Variants in ZNRF3 observed in about 807,000 individuals in gnomAD.
ZNRF3 encodes E3 ubiquitin-protein ligase ZNRF3.
ZNRF3 carries 23 observed loss-of-function variants against 72.5 expected under a neutral mutation model. That is an observed-to-expected ratio of 0.32 (90% CI 0.23 to 0.45). ZNRF3 has a LOEUF of 0.45. Among genes scored for constraint, ZNRF3 ranks in the 20% least tolerant of loss-of-function variants. ZNRF3 has a pLI of 1.00. For synonymous variants in ZNRF3, 610 were observed against 545.3 expected (o/e 1.12, Z -1.65); for missense variants, 1,169 against 1,272.1 (o/e 0.92, Z 1.23).
chr22:29,045,550 A>G (rs1442684465), intron 5 of ZNRF3, among the ~76,000 whole-genome samples: 1 of 152,122 alleles, frequency 6.6e-6, no homozygotes, highest in African/African-American at 2.4e-5. Flanking sequence ...GTGCAATGGC[A>G]TGATCTCGGC....
chr22:28,927,869 C>T (rs1388656997), intron 1 of ZNRF3, among the ~76,000 whole-genome samples: 1 of 152,190 alleles, frequency 6.6e-6, no homozygotes, highest in Non-Finnish European at 1.5e-5. Flanking sequence ...CATGATCTGA[C>T]TTTGCATTGG....
At chr22:28,951,076 T>C (rs1414688370) in intron 1 of ZNRF3, among the ~76,000 whole-genome samples, 1 of 152,252 alleles carries the variant, frequency 6.6e-6, no homozygotes, top group Non-Finnish European at 1.5e-5. Context: ...ATTTAACTTA[T>C]TCCTTTATTG....
intron 2 of ZNRF3, among the ~76,000 whole-genome samples, chr22:29,034,748 T>G (rs954427573): frequency 1.3e-5 from 2 of 152,156 alleles, no homozygotes; most frequent in African/African-American, 4.8e-5. Flanking sequence ...TGGAACTAAA[T>G]GTACATGCTC....
chr22:28,924,063 C>T (rs960728851), intron 1 of ZNRF3, among the ~76,000 whole-genome samples: 4 of 152,238 alleles, frequency 2.6e-5, no homozygotes, highest in South Asian at 2.1e-4. Context: ...TGGAGCAGCC[C>T]GGATTGATGC....
In ZNRF3 at chr22:29,049,629, A is replaced by G; in HGVS notation, c.1448A>G (p.Glu483Gly). 6.2e-7 allele frequency: 1 copy of G among 1,610,870 alleles called. No individual in the cohort carries two copies. Residue 483 changes from glutamate (E) to glycine (G), a missense_variant, in exon 8 of 9, where the codon GAG (glutamate) becomes GGG (glycine). Glu to Gly is a moderately conservative substitution (Grantham distance 98). Coordinates refer to ENST00000544604, the MANE Select transcript of ZNRF3 (RefSeq NM_001206998.2). This position sits in a 1 kb window ranked among gnomAD's most constrained non-coding sequence, Gnocchi z 5.2. ...YFQGLSYPEQ[E>G]GQSPPSLAPR... ...CAGGGCCTCAGCTACCCGGAGCAGG[A>G]GGGGCAGTCCCCACCTAGCCTCGCA...
At chr22:29,008,549 T>C (rs1252093484) in intron 2 of ZNRF3, among the ~76,000 whole-genome samples, 1 of 152,208 alleles carries the variant, frequency 6.6e-6, no homozygotes, top group African/African-American at 2.4e-5. Flanking sequence ...ATGTCTTTCC[T>C]TTCTCGTCAG....
chr22:28,908,849 C>G (rs1284489872), intron 1 of ZNRF3, among the ~76,000 whole-genome samples: 1 of 152,066 alleles, frequency 6.6e-6, no homozygotes, highest in Non-Finnish European at 1.5e-5. Flanking sequence ...CTAGTAGAGA[C>G]CATTGGTCCC....
chr22:28,949,785 T>C (rs1379167393), intron 1 of ZNRF3, among the ~76,000 whole-genome samples: 1 of 152,264 alleles, frequency 6.6e-6, no homozygotes, highest in Non-Finnish European at 1.5e-5. Context: ...CACTCATCTA[T>C]ATAACTGTAC....
chr22:28,966,866 T>C (rs1395927206), intron 1 of ZNRF3, among the ~76,000 whole-genome samples: 3 of 143,622 alleles, frequency 2.1e-5, no homozygotes, highest in Non-Finnish European at 4.5e-5. Flanking sequence ...GTTTTAAAAA[T>C]CTTTTTTTTT....
intron 1 of ZNRF3, among the ~76,000 whole-genome samples, chr22:28,958,454 C>T (rs1189713116): frequency 7.2e-6 from 1 of 139,688 alleles, no homozygotes; most frequent in African/African-American, 2.5e-5. Flanking sequence ...AGGTGGCGGG[C>T]GGTGTTAGAG....
intron 2 of ZNRF3, among the ~76,000 whole-genome samples, chr22:29,028,480 ATACT>A (rs1216680963): frequency 1.3e-5 from 2 of 152,236 alleles, no homozygotes; most frequent in Non-Finnish European, 2.9e-5. Context: ...AGGAAATATA[ATACT>A]TACATAAGCT....
intron 2 of ZNRF3, among the ~76,000 whole-genome samples, chr22:29,032,027 G>A (rs2036769911): frequency 6.6e-6 from 1 of 152,224 alleles, no homozygotes; most frequent in Non-Finnish European, 1.5e-5. Flanking sequence ...CACCCAGAGA[G>A]CCAAGGCGCC....
At chr22:28,903,176 ACTCTCT>A (rs2034139552) in intron 1 of ZNRF3, among the ~76,000 whole-genome samples, 1 of 152,028 alleles carries the variant, frequency 6.6e-6, no homozygotes, top group Non-Finnish European at 1.5e-5. Flanking sequence ...GCTTATCCCT[ACTCTCT>A]ACAGCTAGAT....
At chr22:28,957,486 C>G (rs184843798) in intron 1 of ZNRF3, among the ~76,000 whole-genome samples, 2 of 152,188 alleles carry the variant, frequency 1.3e-5, no homozygotes, top group Non-Finnish European at 2.9e-5. Context: ...GTCGCCCAGG[C>G]TGGAGTGCAA....
At chr22:28,885,645 A>G (rs1243992556) in intron 1 of ZNRF3, among the ~76,000 whole-genome samples, 1 of 150,662 alleles carries the variant, frequency 6.6e-6, no homozygotes, top group African/African-American at 2.4e-5. Context: ...GACTTTTTGA[A>G]GGAGACTTTT....
intron 8 of ZNRF3, among the ~76,000 whole-genome samples, chr22:29,052,314 C>T (rs1438630862): frequency 1.3e-5 from 2 of 152,244 alleles, no homozygotes; most frequent in Non-Finnish European, 2.9e-5. Context: ...TTCTATTCCA[C>T]TTGGAACCAG....
chr22:28,940,025 G>A (rs1311415150), intron 1 of ZNRF3, among the ~76,000 whole-genome samples: 2 of 152,194 alleles, frequency 1.3e-5, no homozygotes, highest in East Asian at 3.8e-4. Flanking sequence ...AAAGATTTAT[G>A]TTGATATTTT....
In ZNRF3 at chr22:29,050,098, T is replaced by A. The variant is rs1237822451; in HGVS notation, c.1917T>A (p.His639Gln). 6.2e-7 allele frequency: 1 copy of A among 1,608,488 alleles called. No individual in the cohort carries two copies. Among genetic ancestry groups the A allele is most frequent in the Non-Finnish European group, 8.5e-7 (1 of 1,179,418 alleles). ...AGGAGCTCCCGGCGGTGCACAGTCA[T>A]GGTGCTGGGCGGGGCGAGCCTTGGC... ...PPEELPAVHSHGAGRGEPWPG... is the reference protein window; with the variant it reads ...PPEELPAVHSQGAGRGEPWPG... The change falls in exon 8 of 9, where the codon CAT becomes CAA. Residue 639 changes from histidine to glutamine, a missense_variant. By Grantham distance (24) the His-to-Gln change is conservative. Coordinates refer to ENST00000544604, the MANE Select transcript of ZNRF3 (RefSeq NM_001206998.2).
chr22:28,907,256 G>A (rs1217295082), intron 1 of ZNRF3, among the ~76,000 whole-genome samples: 2 of 151,588 alleles, frequency 1.3e-5, no homozygotes, highest in Non-Finnish European at 2.9e-5. Context: ...GCCTCCCAAA[G>A]TGCTAGGATT....
Sources: gnomAD v4.1 joint callset for allele counts (sites outside exome capture counted in the v4.1 genomes callset) on GRCh38, gnomAD v4.1.1 for gene constraint, Gnocchi (gnomAD v3.1) non-coding constraint, MANE v1.5 for transcripts, NCBI Gene and HGNC (gene_info 2026-07-23, HGNC 2026-07-21) for gene names.